The following HDAC9 variants were observed in gnomAD, a reference collection of about 807,000 sequenced individuals.
HDAC9 encodes MEF-2 interacting transcription repressor (MITR) protein.
Under a neutral mutation model 139.4 loss-of-function variants are expected in HDAC9, and 41 were observed. The observed-to-expected ratio is 0.29, with a 90% CI of 0.23 to 0.38. HDAC9 has a LOEUF of 0.38. HDAC9 is among the 10% of genes least tolerant of loss of function. The probability of loss-of-function intolerance (pLI) is 1.00; values close to 1 mark genes in which losing one functional copy is unlikely to be tolerated. For synonymous variants in HDAC9, 517 were observed against 476.2 expected (o/e 1.09, Z -1.12); for missense variants, 1,147 against 1,297.0 (o/e 0.88, Z 1.78).
chr7:18,586,274 A>G (rs1326009254), intron 3 of HDAC9, among the ~76,000 whole-genome samples: 1 of 152,092 alleles, frequency 6.6e-6, no homozygotes, highest in Non-Finnish European at 1.5e-5. Flanking sequence ...TCAGAGATAA[A>G]TATTACTTTA....
intron 12 of HDAC9, 198 bp downstream of exon 12, chr7:18,666,674 T>C: frequency 2.3e-6 from 3 of 1,326,698 alleles, no homozygotes; most frequent in Non-Finnish European, 2.9e-6. Context: ...TACTGATCTC[T>C]ATATAGATAT....
intron 1 of HDAC9, among the ~76,000 whole-genome samples, chr7:18,357,349 C>T (rs1405163692): frequency 1.3e-5 from 2 of 152,150 alleles, no homozygotes; most frequent in Non-Finnish European, 2.9e-5. Flanking sequence ...GTGATCCTAG[C>T]AGTTAAATTG....
intron 1 of HDAC9, among the ~76,000 whole-genome samples, chr7:18,141,665 G>A (rs765007115): frequency 1.1e-4 from 17 of 152,010 alleles, no homozygotes; most frequent in Admixed American, 8.5e-4. Flanking sequence ...TCAGAATAGC[G>A]GGGACACGGG....
chr7:18,634,766 C>A (rs1027808674), intron 8 of HDAC9, 24 bp downstream of exon 8: 7 of 1,438,672 alleles, frequency 4.9e-6, no homozygotes, highest in African/African-American at 4.2e-5. Flanking sequence ...TATTTTGTTT[C>A]TTTTAAAAAC....
rs147416460 is a variant in HDAC9, at chr7:18,630,289, C to T, written c.796+808C>T. On this transcript the variant is annotated intron_variant, in intron 7 of 25. Coordinates refer to ENST00000686413, the MANE Select transcript of HDAC9 (RefSeq NM_178425.4). ...TGAAGAAAGAAGTGGTAATCTGCAA[C>T]CCCTTTTTTTTCCCATTCTCAAGGA... Among the ~76,000 whole-genome samples the T allele has an allele frequency of 1.3e-4, 20 of 152,092 alleles. 1 individual carries two copies. The East Asian group carries it at 3.9e-3, about 29-fold the overall frequency.
intron 2 of HDAC9, among the ~76,000 whole-genome samples, chr7:18,564,698 TAA>T (rs149747211): frequency 0.016 from 2,468 of 152,292 alleles, 57 homozygotes; most frequent in African/African-American, 0.057. Context: ...TCCTTTTCGT[TAA>T]GAGACTACTT....
intron 22 of HDAC9, among the ~76,000 whole-genome samples, chr7:18,906,706 C>T (rs1480487289): frequency 6.6e-6 from 1 of 152,104 alleles, no homozygotes; most frequent in African/African-American, 2.4e-5. Flanking sequence ...GTTTGACGGC[C>T]TCCTACAAAT....
intron 6 of HDAC9, among the ~76,000 whole-genome samples, chr7:18,608,080 T>G (rs1000158413): frequency 6.6e-6 from 1 of 152,196 alleles, no homozygotes; most frequent in African/African-American, 2.4e-5. Context: ...ATTTATAGTA[T>G]TCACAACTAT....
At chr7:18,111,682 T>A (rs1783629353) in intron 1 of HDAC9, among the ~76,000 whole-genome samples, 1 of 152,214 alleles carries the variant, frequency 6.6e-6, no homozygotes, top group South Asian at 2.1e-4. Context: ...TGTTATTGCT[T>A]ATTTATTTAT....
chr7:18,453,182 G>T (rs1417876935), intron 1 of HDAC9, among the ~76,000 whole-genome samples: 2 of 152,014 alleles, frequency 1.3e-5, no homozygotes, highest in Non-Finnish European at 2.9e-5. Context: ...TCAAAAGACT[G>T]GAATGTGCTA....
intron 1 of HDAC9, among the ~76,000 whole-genome samples, chr7:18,486,335 C>T (rs1441717629): frequency 6.6e-6 from 1 of 152,058 alleles, no homozygotes. Flanking sequence ...CCAAAGTTTC[C>T]ACATTTTCCA....
intron 2 of HDAC9, among the ~76,000 whole-genome samples, chr7:18,532,351 A>G (rs1809309970): frequency 6.6e-6 from 1 of 152,216 alleles, no homozygotes; most frequent in African/African-American, 2.4e-5. Flanking sequence ...ACTGTTGCCT[A>G]CAGTAAGATT....
intron 1 of HDAC9, among the ~76,000 whole-genome samples, chr7:18,343,845 A>G (rs1303147217): frequency 6.6e-6 from 1 of 151,892 alleles, no homozygotes; most frequent in Non-Finnish European, 1.5e-5. Context: ...AAAGAATCAT[A>G]GTATTGTTTT....
At chr7:18,919,395 A>C (rs151092611) in intron 22 of HDAC9, among the ~76,000 whole-genome samples, 1 of 152,036 alleles carries the variant, frequency 6.6e-6, no homozygotes, top group East Asian at 1.9e-4. Context: ...AGTCCACTTA[A>C]GCAATCTTCC....
At chr7:18,133,040 A>G (rs1303244735) in intron 1 of HDAC9, among the ~76,000 whole-genome samples, 1 of 152,158 alleles carries the variant, frequency 6.6e-6, no homozygotes, top group Admixed American at 6.6e-5. Flanking sequence ...ACTGCTCACC[A>G]TGGAAACAGC....
At chr7:18,589,799 T>C (rs1830435334) in intron 3 of HDAC9, among the ~76,000 whole-genome samples, 1 of 152,240 alleles carries the variant, frequency 6.6e-6, no homozygotes, top group South Asian at 2.1e-4. Flanking sequence ...TACATTGCAT[T>C]AGTCTATTGA....
chr7:18,926,878 T>C (rs1804278669), intron 22 of HDAC9, among the ~76,000 whole-genome samples: 1 of 152,220 alleles, frequency 6.6e-6, no homozygotes, highest in Non-Finnish European at 1.5e-5. Context: ...GGATTTTTAC[T>C]GTGATTGAAA....
intron 13 of HDAC9, among the ~76,000 whole-genome samples, chr7:18,736,025 ACTCT>A (rs2129138013): frequency 6.6e-6 from 1 of 151,792 alleles, no homozygotes; most frequent in South Asian, 2.1e-4. Context: ...TCACGATTTG[ACTCT>A]CTGTTTGTCT....
chr7:18,501,158 G>A (rs1163025559), intron 2 of HDAC9, among the ~76,000 whole-genome samples: 1 of 152,070 alleles, frequency 6.6e-6, no homozygotes, highest in Non-Finnish European at 1.5e-5. Context: ...AAATTCAGAA[G>A]TAGAGAAAAC....
Sources: allele counts gnomAD v4.1 joint callset (sites outside exome capture counted in the v4.1 genomes callset), GRCh38; gene constraint gnomAD v4.1.1; transcripts MANE v1.5; gene names NCBI Gene and HGNC (gene_info 2026-07-23, HGNC 2026-07-21).